VPS37A: variants seen among roughly 807,000 people sequenced by gnomAD.
VPS37A encodes vacuolar protein sorting-associated protein 37A.
Under a neutral mutation model 49.8 loss-of-function variants are expected in VPS37A, and 30 were observed. That is an observed-to-expected ratio of 0.60 (90% confidence interval 0.45 to 0.82). The LOEUF is 0.82. Ranked by LOEUF, VPS37A falls within the 40% of genes least tolerant of loss-of-function variation. VPS37A has a pLI of 0.00. For missense variants in VPS37A, 593 were observed against 464.4 expected (o/e 1.28, Z -2.55); for synonymous variants, 195 against 160.6 (o/e 1.21, Z -1.62).
At chr8:17,255,492 A>G (rs201079507) in intron 1 of VPS37A, among the ~76,000 whole-genome samples, 32 of 150,990 alleles carry the variant, frequency 2.1e-4, no homozygotes, top group African/African-American at 5.6e-4. Flanking sequence ...AAATATATAT[A>G]TGTGTGTGTG....
chr8:17,331,907 A>G, the VPS37A span, among the ~76,000 whole-genome samples: 4 of 152,152 alleles, frequency 2.6e-5, no homozygotes, highest in East Asian at 7.7e-4. Context: ...CTTTTTGATC[A>G]CTTTCATTAT....
chr8:17,313,914 A>C, the VPS37A span, among the ~76,000 whole-genome samples: 1 of 152,202 alleles, frequency 6.6e-6, no homozygotes, highest in African/African-American at 2.4e-5. Flanking sequence ...CCTCTTGCCA[A>C]TAACCCCCAC....
chr8:17,280,932 A>G (rs954148829), intron 9 of VPS37A, among the ~76,000 whole-genome samples: 3 of 152,000 alleles, frequency 2.0e-5, no homozygotes, highest in African/African-American at 7.2e-5. Flanking sequence ...AAAAAAAGGA[A>G]TCTTTGAAAA....
intron 1 of VPS37A, among the ~76,000 whole-genome samples, chr8:17,252,404 C>T (rs1253921769): frequency 2.0e-5 from 3 of 152,158 alleles, no homozygotes; most frequent in Non-Finnish European, 2.9e-5. Flanking sequence ...TCTCAAACTC[C>T]TGGGCCCAAG....
chr8:17,316,997 A>C, the VPS37A span, among the ~76,000 whole-genome samples: 2 of 152,212 alleles, frequency 1.3e-5, no homozygotes, highest in South Asian at 2.1e-4. Context: ...CCCATATCCC[A>C]ACTAATACTT....
At chr8:17,300,675 T>G (rs1245567933), downstream of VPS37A, among the ~76,000 whole-genome samples, 2 of 152,228 alleles carry the variant, frequency 1.3e-5, no homozygotes, top group Non-Finnish European at 2.9e-5. Flanking sequence ...TTTAGTTATA[T>G]TCACAAGGTT....
intron 1 of VPS37A, among the ~76,000 whole-genome samples, chr8:17,249,076 G>T (rs1367323850): frequency 6.6e-6 from 1 of 152,114 alleles, no homozygotes; most frequent in Non-Finnish European, 1.5e-5. Flanking sequence ...CACACTTTTG[G>T]AATTAATTGC....
Position 17,274,802 on chromosome 8 carries a change from T to A in VPS37A, c.486T>A (p.Pro162=). The change falls in exon 5 of 12, where the codon CCT becomes CCA. Residue 162 remains proline, a synonymous_variant. Transcript: ENST00000324849. ...GTTTTCCATTTCTTCCTCCATATCC[T>A]CCACAAGAAGCAAACAGGAGTATCA... is the stretch of plus-strand genomic sequence containing the variant. The part of the protein sequence containing the change: ...SQGFPFLPPY[P]PQEANRSITS... 1 of 1,614,174 alleles carries A rather than the reference T, an allele frequency of 6.2e-7. No homozygotes were observed. Among genetic ancestry groups the A allele is most frequent in the Non-Finnish European group, 8.5e-7 (1 of 1,180,018 alleles).
chr8:17,273,204 C>T (rs1411446613), intron 4 of VPS37A, among the ~76,000 whole-genome samples: 2 of 151,660 alleles, frequency 1.3e-5, no homozygotes, highest in Admixed American at 6.6e-5. Flanking sequence ...GTTTTCTAAC[C>T]CTCCCTCAAA....
intron 1 of VPS37A, among the ~76,000 whole-genome samples, chr8:17,250,047 T>C (rs926600310): frequency 2.0e-5 from 3 of 152,188 alleles, no homozygotes; most frequent in African/African-American, 7.2e-5. Flanking sequence ...CGGCCCGGGC[T>C]CATATGGAGT....
At chr8:17,268,759 G>A in intron 3 of VPS37A, 97 bp from the exon 4 acceptor site, 1 of 836,672 alleles carries the variant, frequency 1.2e-6, no homozygotes, top group East Asian at 2.6e-5. Flanking sequence ...TTCTTGACCT[G>A]CAAAAGTAAG....
At chr8:17,302,108 A>G (rs891227887), downstream of VPS37A, 2 of 1,612,738 alleles carry the variant, frequency 1.2e-6, no homozygotes, top group Non-Finnish European at 1.7e-6. Context: ...CTTGCTCTTC[A>G]AGAAATAAGC....
At chr8:17,285,656 G>C (rs1249851486) in intron 10 of VPS37A, among the ~76,000 whole-genome samples, 1 of 152,172 alleles carries the variant, frequency 6.6e-6, no homozygotes, top group Non-Finnish European at 1.5e-5. Context: ...AGAGGAAATT[G>C]AAGTTCAGAG....
the VPS37A span, among the ~76,000 whole-genome samples, chr8:17,311,062 C>G: frequency 6.6e-6 from 1 of 152,280 alleles, no homozygotes; most frequent in Non-Finnish European, 1.5e-5. Flanking sequence ...TGAAGGACTA[C>G]TTAAAAAACA....
At position 17,297,907 on chromosome 8, in the gene VPS37A, G is replaced by C. The variant is rs532889400; in HGVS notation, c.*2921G>C. The C allele has an allele frequency of 1.1e-4, 17 of 152,066 alleles. No individual in the cohort carries two copies. The South Asian group carries it at 3.5e-3, about 31-fold the overall frequency. The allele number at this position is 152,066 out of a possible 1,614,324, so 9.4% of individuals were successfully genotyped here. A position where few individuals can be genotyped will look rare whatever the true frequency, so the allele number is the denominator to read the frequency against. ...AATGTCTGTCTTGTAAAAAAGTTGAGGGGACTAAAAGTTTATGACTCTGAT... is the reference window on the plus strand; with the variant it reads ...AATGTCTGTCTTGTAAAAAAGTTGACGGGACTAAAAGTTTATGACTCTGAT... On this transcript the variant is annotated 3_prime_UTR_variant, in exon 12 of 12. Transcript: ENST00000324849.
At chr8:17,293,923 C>G (rs1284567940) in intron 11 of VPS37A, among the ~76,000 whole-genome samples, 1 of 152,194 alleles carries the variant, frequency 6.6e-6, no homozygotes, top group South Asian at 2.1e-4. Flanking sequence ...TCAGGAGGCA[C>G]GGTGGTCAGA....
At chr8:17,304,616 C>T, downstream of VPS37A, 1 of 1,324,982 alleles carries the variant, frequency 7.5e-7, no homozygotes. Context: ...ATAATTGTTA[C>T]CTGAAAACCA....
At chr8:17,312,642 AG>A in the VPS37A span, among the ~76,000 whole-genome samples, 1 of 151,988 alleles carries the variant, frequency 6.6e-6, no homozygotes, top group African/African-American at 2.4e-5. Context: ...CTGTGAGGGA[AG>A]AGACTTGATC....
At position 17,247,265 on chromosome 8, in the gene VPS37A, G is replaced by T; in HGVS notation, c.21G>T (p.Leu7=). The T allele has an allele frequency of 6.4e-7, 1 of 1,570,626 alleles. No individual in the cohort carries two copies. Residue 7 remains leucine, a synonymous_variant, in exon 1 of 12, where the codon CTG becomes CTT. Coordinates refer to ENST00000324849, the MANE Select transcript of VPS37A (RefSeq NM_152415.3). MSWLFP[L]TKSASSSAAG... ...GGAGGATGAGCTGGCTTTTTCCCCTGACCAAGAGCGCCTCCTCCTCCGCGG... is the reference window on the plus strand; with the variant it reads ...GGAGGATGAGCTGGCTTTTTCCCCTTACCAAGAGCGCCTCCTCCTCCGCGG...
Sources: gnomAD v4.1 joint callset for allele counts (sites outside exome capture counted in the v4.1 genomes callset) on GRCh38, gnomAD v4.1.1 for gene constraint, MANE v1.5 for transcripts, NCBI Gene and HGNC (gene_info 2026-07-23, HGNC 2026-07-21) for gene names.